NOS1: variants seen among roughly 807,000 people sequenced by gnomAD.
NOS1 encodes the protein nitric oxide synthase 1.
NOS1 carries 51 observed loss-of-function variants against 164.5 expected under a neutral mutation model. That is an observed-to-expected ratio of 0.31 (90% CI 0.25 to 0.39). NOS1 has a LOEUF of 0.39. Ranked by LOEUF, NOS1 falls within the 10% of genes least tolerant of loss-of-function variation. NOS1 has a pLI of 1.00. For synonymous variants in NOS1, 719 were observed against 745.8 expected (o/e 0.96, Z 0.59); for missense variants, 1,362 against 1,885.6 (o/e 0.72, Z 5.14).
chr12:117,295,844 G>A (rs1873381637), intron 3 of NOS1, among the ~76,000 whole-genome samples: 1 of 150,906 alleles, frequency 6.6e-6, no homozygotes, highest in Non-Finnish European at 1.5e-5. Context: ...GGCCAGGCTG[G>A]TCTCGAACTC....
At chr12:117,354,910 C>T (rs562188935) in intron 1 of NOS1, among the ~76,000 whole-genome samples, 14 of 152,306 alleles carry the variant, frequency 9.2e-5, no homozygotes, top group Admixed American at 6.5e-4. Flanking sequence ...TGGGAAACGA[C>T]GGTTGTACAC....
chr12:117,306,611 G>A (rs964601723), intron 3 of NOS1, among the ~76,000 whole-genome samples: 14 of 150,564 alleles, frequency 9.3e-5, no homozygotes, highest in African/African-American at 1.5e-4. Context: ...AATGTTATCC[G>A]CCACAACCAC....
chr12:117,224,889 C>T (rs1190137324), intron 25 of NOS1, 127 bp downstream of exon 25: 2 of 1,262,288 alleles, frequency 1.6e-6, no homozygotes, highest in Admixed American at 1.8e-5. Context: ...GTGCTACACG[C>T]CCCAGCTTTT....
intron 1 of NOS1, among the ~76,000 whole-genome samples, chr12:117,344,319 C>A (rs78384415): frequency 1.3e-5 from 2 of 152,250 alleles, no homozygotes; most frequent in Non-Finnish European, 2.9e-5. Context: ...CAACTATTCA[C>A]ACTGAGTACT....
chr12:117,255,811 G>A, intron 16 of NOS1: 1 of 476,418 alleles, frequency 2.1e-6, no homozygotes. Context: ...TAGTGAGTTA[G>A]TGACACAGCT....
intron 24 of NOS1, among the ~76,000 whole-genome samples, chr12:117,226,310 C>A (rs1291505181): frequency 6.6e-6 from 1 of 152,048 alleles, no homozygotes; most frequent in Non-Finnish European, 1.5e-5. Context: ...GGATTTTTTC[C>A]ATCTCTAGGA....
chr12:117,244,428 A>G (rs1423342707), intron 18 of NOS1, among the ~76,000 whole-genome samples: 1 of 151,774 alleles, frequency 6.6e-6, no homozygotes, highest in Non-Finnish European at 1.5e-5. Flanking sequence ...TAGTAGAGAC[A>G]GGGTTTCGCC....
At chr12:117,318,152 A>T (rs1208463304) in intron 2 of NOS1, among the ~76,000 whole-genome samples, 1 of 152,060 alleles carries the variant, frequency 6.6e-6, no homozygotes, top group African/African-American at 2.4e-5. Context: ...AGCCTGGGAG[A>T]CAGAAACAGA....
At position 117,225,103 on chromosome 12, in the gene NOS1, C is replaced by T. The variant is rs890087432; in HGVS notation, c.3739G>A (p.Val1247Ile). The change falls in exon 25 of 29, where the codon GTC becomes ATC. Residue 1247 changes from valine (V) to isoleucine (I), a missense_variant. By Grantham distance (29) the Val-to-Ile change is conservative. Transcript: ENST00000317775. ...PSFHLPRNPQ[V>I]PCILVGPGTG... is the part of the protein sequence containing the mutation. ...CCTGGTCCAACGAGGATGCAGGGGA[C>T]TTGGGGGTTCCGGGGCAGGTGGAAG... The T allele has an allele frequency of 6.2e-7, 1 of 1,613,844 alleles. No individual in the cohort carries two copies. Among genetic ancestry groups the T allele is most frequent in the Non-Finnish European group, 8.5e-7 (1 of 1,179,912 alleles).
intron 12 of NOS1, among the ~76,000 whole-genome samples, chr12:117,264,579 C>T (rs1872225669): frequency 7.1e-6 from 1 of 139,992 alleles, no homozygotes; most frequent in Non-Finnish European, 1.6e-5. Flanking sequence ...TCCCTTCCTT[C>T]CTTCTTTTCC....
chr12:117,276,360 G>A (rs1354910217), intron 9 of NOS1, among the ~76,000 whole-genome samples: 3 of 152,116 alleles, frequency 2.0e-5, no homozygotes, highest in South Asian at 4.1e-4. Context: ...TGGGCTCACT[G>A]CAACCTCTGC....
At chr12:117,354,317 G>A (rs1876765994) in intron 1 of NOS1, among the ~76,000 whole-genome samples, 1 of 152,172 alleles carries the variant, frequency 6.6e-6, no homozygotes, top group Admixed American at 6.5e-5. Context: ...TTTATACCAT[G>A]CTTTGGGAGA....
At chr12:117,326,661 G>C (rs1409723218) in intron 2 of NOS1, among the ~76,000 whole-genome samples, 1 of 152,212 alleles carries the variant, frequency 6.6e-6, no homozygotes, top group Non-Finnish European at 1.5e-5. Context: ...AGGGCCGCAA[G>C]GGATGAGGGA....
rs1956595863 is a variant in NOS1, at chr12:117,215,678, CCGCCT to C, written c.4290-359_4290-355del. 9.9e-5 allele frequency among the ~76,000 whole-genome samples: 15 copies of C among 152,092 alleles called. No individual in the cohort carries two copies. In the East Asian group the frequency reaches 2.9e-3, roughly 30 times the overall value. ...AAACTCCTGACCTCAGGTGATCTGC[CCGCCT>C]CAGCCTCCCAAAGTGCTGGGATTGC... On this transcript the variant is annotated intron_variant, in intron 28 of 28. Transcript: ENST00000317775.
At chr12:117,306,577 T>C (rs1399685481) in intron 3 of NOS1, among the ~76,000 whole-genome samples, 3 of 151,450 alleles carry the variant, frequency 2.0e-5, no homozygotes, top group Admixed American at 6.6e-5. Context: ...GAACTAATAA[T>C]GATCCTCAGC....
intron 3 of NOS1, among the ~76,000 whole-genome samples, chr12:117,307,789 G>A (rs1446641720): frequency 6.6e-6 from 1 of 152,016 alleles, no homozygotes; most frequent in African/African-American, 2.4e-5. Flanking sequence ...GGCTGAGGCA[G>A]GTGGATCACC....
At chr12:117,312,591 T>A (rs1028890758) in intron 2 of NOS1, among the ~76,000 whole-genome samples, 4 of 151,986 alleles carry the variant, frequency 2.6e-5, no homozygotes, top group African/African-American at 4.8e-5. Context: ...AATTTTTTTT[T>A]TTTTTATTTT....
intron 28 of NOS1, 26 bp from the exon 29 acceptor site, chr12:117,215,350 G>A: frequency 6.6e-7 from 1 of 1,520,388 alleles, no homozygotes; most frequent in South Asian, 1.3e-5. Context: ...TTGGGGGGCA[G>A]TTAGTGCCCC....
At chr12:117,236,398 T>A (rs1470781032) in intron 20 of NOS1, among the ~76,000 whole-genome samples, 2 of 151,958 alleles carry the variant, frequency 1.3e-5, no homozygotes, top group African/African-American at 4.8e-5. Flanking sequence ...GGGCACATTA[T>A]TTTGGGGGAG....
Sources: allele counts gnomAD v4.1 joint callset (sites outside exome capture counted in the v4.1 genomes callset), GRCh38; gene constraint gnomAD v4.1.1; transcripts MANE v1.5; gene names NCBI Gene and HGNC (gene_info 2026-07-23, HGNC 2026-07-21).